Variants in ADGRB1 observed in about 807,000 individuals in gnomAD.
ADGRB1 encodes the protein adhesion G protein-coupled receptor B1, also known as brain-specific angiogenesis inhibitor 1.
In ADGRB1, 36 loss-of-function variants were observed where a neutral mutation model predicts 175.7. The observed-to-expected ratio is 0.20, with a 90% confidence interval of 0.16 to 0.27. The LOEUF is 0.27. Ranked by LOEUF, ADGRB1 falls within the 10% of genes least tolerant of loss-of-function variation. The pLI is 1.00. For synonymous variants in ADGRB1, 1,054 were observed against 979.4 expected (o/e 1.08, Z -1.42); for missense variants, 1,731 against 2,255.3 (o/e 0.77, Z 4.71).
intron 25 of ADGRB1, among the ~76,000 whole-genome samples, 153 bp downstream of exon 25, chr8:142,533,619 GC>G (rs1563749227): frequency 2.0e-5 from 3 of 151,924 alleles, no homozygotes; most frequent in Admixed American, 2.0e-4. Flanking sequence ...GGTCCACAGA[GC>G]GGGGCCTGCA....
intron 2 of ADGRB1, 41 bp downstream of exon 2, chr8:142,465,023 G>A: frequency 1.2e-6 from 1 of 844,128 alleles, no homozygotes; most frequent in Non-Finnish European, 1.5e-6. Context: ...GGGGAGGTGG[G>A]CAGACAGGGG....
At chr8:142,532,263 G>A (rs1317612580) in intron 24 of ADGRB1, among the ~76,000 whole-genome samples, 6 of 152,214 alleles carry the variant, frequency 3.9e-5, no homozygotes, top group African/African-American at 1.2e-4. Flanking sequence ...CACCGCAGCC[G>A]GGGTCCTGCT....
chr8:142,518,513 C>T (rs1843583227), intron 19 of ADGRB1, among the ~76,000 whole-genome samples: 1 of 152,196 alleles, frequency 6.6e-6, no homozygotes, highest in South Asian at 2.1e-4. Flanking sequence ...GCCCCCTTTG[C>T]CTGCACTTCC....
At chr8:142,500,922 G>A (rs1489075565) in intron 17 of ADGRB1, among the ~76,000 whole-genome samples, 2 of 152,198 alleles carry the variant, frequency 1.3e-5, no homozygotes, top group Non-Finnish European at 2.9e-5. Context: ...GACAGGCAGT[G>A]GTGATGGCGT....
chr8:142,518,315 G>A (rs913780068), intron 19 of ADGRB1, 74 bp downstream of exon 19: 6 of 1,507,248 alleles, frequency 4.0e-6, no homozygotes, highest in East Asian at 4.5e-5. Flanking sequence ...TGAAGGTCAC[G>A]GGCGGGGTCG....
At chr8:142,471,012 G>A (rs901743928) in intron 2 of ADGRB1, among the ~76,000 whole-genome samples, 1 of 152,204 alleles carries the variant, frequency 6.6e-6, no homozygotes, top group Non-Finnish European at 1.5e-5. Context: ...CAGGATTGGA[G>A]TGGAGTTTGG....
intron 24 of ADGRB1, among the ~76,000 whole-genome samples, chr8:142,530,226 G>A (rs1223662433): frequency 6.6e-6 from 1 of 152,006 alleles, no homozygotes; most frequent in Non-Finnish European, 1.5e-5. Flanking sequence ...GTGAGTGTGT[G>A]AATGCGTGTG....
At chr8:142,503,050 A>G (rs1842699074) in intron 17 of ADGRB1, among the ~76,000 whole-genome samples, 1 of 151,514 alleles carries the variant, frequency 6.6e-6, no homozygotes, top group African/African-American at 2.4e-5. Context: ...GATGGTGTTG[A>G]TAGTGATTGG....
In ADGRB1 at chr8:142,492,700, G is replaced by A. The variant is rs1312788572; in HGVS notation, c.2675+1885G>A. 6.6e-6 allele frequency among the ~76,000 whole-genome samples: 1 copy of A among 152,194 alleles called. No homozygotes were observed. The highest frequency in any genetic ancestry group is 1.5e-5 in the Non-Finnish European group (1 of 68,016). ...TGGCAGCTGGGCTGGGGAAAGCTGGGTGCCCTGCAGCCCTGGGGAGCCAGC... is the reference window on the plus strand; with the variant it reads ...TGGCAGCTGGGCTGGGGAAAGCTGGATGCCCTGCAGCCCTGGGGAGCCAGC... On this transcript the variant is annotated intron_variant, in intron 17 of 30. Coordinates refer to ENST00000517894, the MANE Select transcript of ADGRB1 (RefSeq NM_001702.3). The surrounding 1 kb of genome is among the most constrained non-coding windows in gnomAD (Gnocchi z 4.4).
At chr8:142,528,627 G>T (rs1356574463) in intron 24 of ADGRB1, among the ~76,000 whole-genome samples, 1 of 151,142 alleles carries the variant, frequency 6.6e-6, no homozygotes, top group Non-Finnish European at 1.5e-5. Context: ...CACCTCCGAC[G>T]CCACCAGTAA....
chr8:142,495,586 C>A (rs994631942), intron 17 of ADGRB1, among the ~76,000 whole-genome samples: 1 of 152,074 alleles, frequency 6.6e-6, no homozygotes, highest in African/African-American at 2.4e-5. Context: ...CTTGCCTCTT[C>A]CAGCTTCTGG....
Position 142,474,294 on chromosome 8 carries a change from A to G in ADGRB1, c.785-1180A>G, listed in dbSNP as rs1840818417. ...GCTGTACCTGGGATCGAGCTGCCGGATCCCCAGTGTTCCCCAGTGGCAGCG... is the reference window on the plus strand; with the variant it reads ...GCTGTACCTGGGATCGAGCTGCCGGGTCCCCAGTGTTCCCCAGTGGCAGCG... On this transcript the variant is annotated intron_variant, in intron 2 of 30. Transcript: ENST00000517894. This position sits in a 1 kb window ranked among gnomAD's most constrained non-coding sequence, Gnocchi z 5.8. Among the ~76,000 whole-genome samples the G allele has an allele frequency of 6.6e-6, 1 of 152,008 alleles. No homozygotes were observed. The highest frequency in any genetic ancestry group is 1.5e-5 in the Non-Finnish European group (1 of 67,968).
In ADGRB1 at chr8:142,477,446, C is replaced by T. The variant is rs374475005; in HGVS notation, c.1284C>T (p.Gly428=). ...TCTGCTCCAGCACCTGTGGCCGTGG[C>T]TTTCGGGATCGCACGCGCACCTGCA... ...WSLCSSTCGR[G]FRDRTRTCRP... is the part of the protein sequence containing the mutation. The change falls in exon 6 of 31, where the codon GGC becomes GGT. Residue 428 remains glycine, a synonymous_variant. Transcript: ENST00000517894. 1.2e-6 allele frequency: 2 copies of T among 1,612,426 alleles called. No homozygotes were observed. The highest frequency in any genetic ancestry group is 8.5e-7 in the Non-Finnish European group (1 of 1,179,804).
intron 2 of ADGRB1, among the ~76,000 whole-genome samples, chr8:142,473,628 C>T (rs551840377): frequency 3.0e-4 from 46 of 152,370 alleles, no homozygotes; most frequent in Admixed American, 1.1e-3. Flanking sequence ...GGGCTAAGCA[C>T]GCTATGGAGG....
rs778552098 is a variant in ADGRB1 at position 142,464,390 on chromosome 8, C to T, written c.192C>T (p.Asn64=). 5.6e-5 allele frequency: 86 copies of T among 1,527,406 alleles called. No homozygotes were observed. The South Asian group carries it at 8.8e-4, about 16-fold the overall frequency. 94.6% of individuals were successfully genotyped at this position (1,527,406 alleles called of 1,614,324 possible). Residue 64 remains asparagine, a synonymous_variant, in exon 2 of 31, where the codon AAC becomes AAT. Transcript: ENST00000517894. The part of the protein sequence containing the change: ...YFSAAAVFPA[N]ASRCSWTLRN... The stretch of plus-strand genomic sequence containing the variant: ...CCGCGGCCGCCGTGTTCCCGGCCAA[C>T]GCCTCGCGCTGCTCCTGGACGCTAC...
rs1430991512 is a variant in ADGRB1, at chr8:142,449,839, C to T, written c.-485C>T. The T allele has an allele frequency of 2.0e-5, 3 of 146,610 alleles. No individual in the cohort carries two copies. The highest frequency in any genetic ancestry group is 7.4e-5 in the African/African-American group (3 of 40,716). The allele number at this position is 146,610 out of a possible 1,614,324, so 9.1% of individuals were successfully genotyped here. A position where few individuals can be genotyped will look rare whatever the true frequency, so the allele number is the denominator to read the frequency against. On this transcript the variant is annotated 5_prime_UTR_variant, in exon 1 of 31. Transcript: ENST00000517894. The stretch of plus-strand genomic sequence containing the variant: ...CCCGGGCCCGCGCGCCAGCATCGTC[C>T]GCAGCGCGGGCATCCGGACCCTCCG...
intron 24 of ADGRB1, among the ~76,000 whole-genome samples, chr8:142,526,908 C>T (rs1844237938): frequency 6.6e-6 from 1 of 152,220 alleles, no homozygotes; most frequent in Admixed American, 6.5e-5. Context: ...CCCGCCTCTG[C>T]CTGGCTTGCA....
At chr8:142,467,340 G>A (rs1397932285) in intron 2 of ADGRB1, among the ~76,000 whole-genome samples, 1 of 152,234 alleles carries the variant, frequency 6.6e-6, no homozygotes, top group African/African-American at 2.4e-5. Context: ...CCGGCATTCA[G>A]GAGGGGACTG....
intron 6 of ADGRB1, among the ~76,000 whole-genome samples, chr8:142,477,822 G>A (rs1302577930): frequency 6.6e-6 from 1 of 151,842 alleles, no homozygotes; most frequent in Admixed American, 6.6e-5. Flanking sequence ...TCCCAGGCTG[G>A]GTGTGGGGTG....
Sources: allele counts gnomAD v4.1 joint callset (sites outside exome capture counted in the v4.1 genomes callset), GRCh38; gene constraint gnomAD v4.1.1; non-coding constraint Gnocchi (gnomAD v3.1); transcripts MANE v1.5; gene names NCBI Gene and HGNC (gene_info 2026-07-23, HGNC 2026-07-21).